Variants in DPF3 observed in about 807,000 individuals in gnomAD.
DPF3 encodes double PHD fingers 3.
A neutral mutation model predicts 56.8 loss-of-function variants in DPF3; 18 were observed. The observed-to-expected ratio is 0.32, with a 90% CI of 0.22 to 0.47. The LOEUF is 0.47. DPF3 is among the 20% of genes least tolerant of loss of function. The pLI is 1.00. For synonymous variants in DPF3, 188 were observed against 180.2 expected, an observed-to-expected ratio of 1.04 and a Z score of -0.35; for missense variants, 403 against 488.8, an observed-to-expected ratio of 0.82 and a Z score of 1.65.
chr14:72,705,860 T>C (rs1888382589), intron 6 of DPF3, among the ~76,000 whole-genome samples: 1 of 151,216 alleles, frequency 6.6e-6, no homozygotes, highest in Admixed American at 6.6e-5. Flanking sequence ...TACCAGGAGG[T>C]AGGCACAAGG....
At chr14:72,707,801 T>A (rs1888470903) in intron 6 of DPF3, among the ~76,000 whole-genome samples, 1 of 109,104 alleles carries the variant, frequency 9.2e-6, no homozygotes, top group African/African-American at 3.0e-5. Flanking sequence ...TCATTTTTGT[T>A]TTTTCCTCTA....
chr14:72,688,552 G>C (rs1341137354), intron 7 of DPF3, among the ~76,000 whole-genome samples: 1 of 152,110 alleles, frequency 6.6e-6, no homozygotes, highest in African/African-American at 2.4e-5. Flanking sequence ...TTGAATTCTA[G>C]TCCAGAGCTC....
intron 8 of DPF3, among the ~76,000 whole-genome samples, chr14:72,664,541 C>T (rs1052609252): frequency 2.6e-5 from 4 of 152,020 alleles, no homozygotes; most frequent in African/African-American, 9.7e-5. Context: ...GTTTTCTACC[C>T]CTCCACACAC....
chr14:72,805,186 G>C (rs755927829), intron 1 of DPF3, among the ~76,000 whole-genome samples: 2 of 152,204 alleles, frequency 1.3e-5, no homozygotes, highest in Non-Finnish European at 2.9e-5. Flanking sequence ...AAACTGCACA[G>C]AAGGCTGGGC....
At chr14:72,648,430 G>A (rs868397577) in intron 8 of DPF3, among the ~76,000 whole-genome samples, 1 of 151,974 alleles carries the variant, frequency 6.6e-6, no homozygotes, top group Non-Finnish European at 1.5e-5. Flanking sequence ...GTGTGGTTGT[G>A]CATGCCTGTA....
At chr14:72,820,651 C>G (rs1293577112) in intron 1 of DPF3, among the ~76,000 whole-genome samples, 2 of 152,150 alleles carry the variant, frequency 1.3e-5, no homozygotes, top group Non-Finnish European at 2.9e-5. Context: ...TTCTAGAAAC[C>G]TGTGCTAAGG....
At position 72,767,760 on chromosome 14, in the gene DPF3, CAAAA is replaced by C. The variant is rs372452441; in HGVS notation, c.193+3969_193+3972del. Among the ~76,000 whole-genome samples the C allele has an allele frequency of 2.4e-3, 173 of 72,502 alleles. 1 individual carries two copies. The highest frequency in any genetic ancestry group is 8.4e-3 in the African/African-American group (135 of 16,090). The allele number at this position is 72,502 out of a possible 152,430, so 47.6% of individuals were successfully genotyped here. A position where few individuals can be genotyped will look rare whatever the true frequency, so the allele number is the denominator to read the frequency against. The stretch of plus-strand genomic sequence containing the variant: ...ATGGCTGAAAAATTCCCAAATTTGG[CAAAA>C]AAAAAAAAAAAAAAACCCCATAAAC... On this transcript the variant is annotated intron_variant, in intron 2 of 10. Transcript: ENST00000556509.
At chr14:72,756,822 C>CGAA (rs1890811390) in intron 2 of DPF3, among the ~76,000 whole-genome samples, 1 of 70,008 alleles carries the variant, frequency 1.4e-5, no homozygotes, top group Non-Finnish European at 2.6e-5. Flanking sequence ...GAAAGAAAGA[C>CGAA]AGAAAGAAAG....
intron 9 of DPF3, among the ~76,000 whole-genome samples, chr14:72,629,369 T>C (rs1273390578): frequency 3.3e-5 from 5 of 152,248 alleles, no homozygotes; most frequent in Admixed American, 3.3e-4. Context: ...TTTGCACTTA[T>C]TATATTTAAC....
chr14:72,643,336 C>A (rs1599324415), intron 8 of DPF3, among the ~76,000 whole-genome samples: 1 of 152,354 alleles, frequency 6.6e-6, no homozygotes, highest in East Asian at 1.9e-4. Context: ...CCTCAGGCCC[C>A]TTTAAGCCTC....
At chr14:72,691,561 T>C (rs1446052489) in intron 7 of DPF3, among the ~76,000 whole-genome samples, 1 of 152,058 alleles carries the variant, frequency 6.6e-6, no homozygotes, top group African/African-American at 2.4e-5. Flanking sequence ...ACCCTGTCTC[T>C]ACTAAAAATA....
intron 2 of DPF3, among the ~76,000 whole-genome samples, chr14:72,754,195 T>G (rs1327715703): frequency 6.6e-6 from 1 of 152,154 alleles, no homozygotes; most frequent in East Asian, 1.9e-4. Context: ...GACTTCTCCA[T>G]GCCAGGTCAC....
At chr14:72,880,502 G>A (rs1348287108) in intron 1 of DPF3, among the ~76,000 whole-genome samples, 1 of 152,202 alleles carries the variant, frequency 6.6e-6, no homozygotes, top group Non-Finnish European at 1.5e-5. Flanking sequence ...GGGCTGTTGG[G>A]GTAAGGAGTA....
intron 1 of DPF3, among the ~76,000 whole-genome samples, chr14:72,847,339 A>G (rs1019872065): frequency 6.6e-6 from 1 of 152,164 alleles, no homozygotes; most frequent in African/African-American, 2.4e-5. Flanking sequence ...GCAAAGCCCA[A>G]CTTACCATGA....
chr14:72,678,628 T>C (rs1198042865), intron 7 of DPF3, among the ~76,000 whole-genome samples: 2 of 152,226 alleles, frequency 1.3e-5, no homozygotes, highest in African/African-American at 4.8e-5. Context: ...AATAGGAAGC[T>C]CGCCCAGACC....
rs775989767 is a variant in DPF3, at chr14:72,786,059, C to T, written c.33-14166G>A. On this transcript the variant is annotated intron_variant, in intron 1 of 10. Transcript: ENST00000556509. The stretch of plus-strand genomic sequence containing the variant: ...GGTGGATCACCTGAGGTCAGGAGTT[C>T]GAGACTAGCCTGGCCAACTTGGTGA... Among the ~76,000 whole-genome samples, 10 of 152,142 alleles carry T rather than the reference C, an allele frequency of 6.6e-5. No homozygotes were observed. In the South Asian group the frequency reaches 1.2e-3, roughly 19 times the overall value.
intron 6 of DPF3, 84 bp downstream of exon 6, chr14:72,714,339 C>T (rs558878207): frequency 1.7e-5 from 26 of 1,547,192 alleles, no homozygotes; most frequent in Admixed American, 3.5e-5. Flanking sequence ...GGTTGGCAGG[C>T]GGATGGCCAA....
intron 7 of DPF3, among the ~76,000 whole-genome samples, chr14:72,692,160 G>A (rs918734385): frequency 3.9e-5 from 6 of 152,274 alleles, no homozygotes; most frequent in East Asian, 1.9e-4. Flanking sequence ...TATTTTAAAC[G>A]TCTGATCCCT....
chr14:72,690,938 G>C (rs569748561), intron 7 of DPF3, among the ~76,000 whole-genome samples: 1 of 152,190 alleles, frequency 6.6e-6, no homozygotes, highest in African/African-American at 2.4e-5. Flanking sequence ...CAACAGCTCC[G>C]TGTGACCTCT....
Sources: allele counts gnomAD v4.1 joint callset (sites outside exome capture counted in the v4.1 genomes callset), GRCh38; gene constraint gnomAD v4.1.1; transcripts MANE v1.5; gene names NCBI Gene and HGNC (gene_info 2026-07-23, HGNC 2026-07-21).